The following PATL1 variants were observed in gnomAD, a reference collection of about 807,000 sequenced individuals.
PATL1 encodes PAT1 homolog 1, processing body mRNA decay factor.
In PATL1, 32 loss-of-function variants were observed where a neutral mutation model predicts 100.6. The ratio of observed to expected loss-of-function variants is 0.32; its 90% confidence interval spans 0.24 to 0.43. The LOEUF (loss-of-function observed/expected upper bound fraction) is 0.43, where lower values mean the gene tolerates loss of function less well. PATL1 is among the 20% of genes least tolerant of loss of function. PATL1 has a pLI of 1.00. For synonymous variants in PATL1, 332 were observed against 330.0 expected (o/e 1.01, Z -0.07); for missense variants, 747 against 949.9 (o/e 0.79, Z 2.81).
In PATL1 at chr11:59,653,101, T is replaced by TG. The variant is rs372568832; in HGVS notation, c.1122-84_1122-83insC. 1.8e-3 allele frequency: 2,249 copies of TG among 1,246,402 alleles called. 33 individuals carry two copies. The African/African-American group carries it at 0.03, about 16-fold the overall frequency. 77.2% of individuals were successfully genotyped at this position (1,246,402 alleles called of 1,614,324 possible). The stretch of plus-strand genomic sequence containing the variant: ...ACAGAGGAATAAACCAGGCCAGTTT[T>TG]TTTTTTTTTTTTTAAAGATTCCCGT... On this transcript the variant is annotated intron_variant, in intron 9 of 18. Coordinates refer to ENST00000300146, the MANE Select transcript of PATL1 (RefSeq NM_152716.3).
At chr11:59,645,386 C>G (rs527981885) in intron 15 of PATL1, among the ~76,000 whole-genome samples, 158 of 145,892 alleles carry the variant, frequency 1.1e-3, no homozygotes, top group Non-Finnish European at 1.8e-3. Context: ...ACTTCCCCCC[C>G]CATCCACTTT....
intron 9 of PATL1, 37 bp from the exon 10 acceptor site, chr11:59,653,055 A>G: frequency 2.0e-6 from 3 of 1,533,554 alleles, no homozygotes; most frequent in Non-Finnish European, 2.7e-6. Flanking sequence ...CATGTGGGCA[A>G]ATTAATTACG....
chr11:59,638,261 G>T lies in PATL1; in HGVS notation c.*129C>A. On this transcript the variant is annotated 3_prime_UTR_variant, in exon 19 of 19. Transcript: ENST00000300146. ...TTAGAGAGACAACCCCTGTAAACAG[G>T]AATCGATCCCACAAGACTTTGCTTT... The T allele has an allele frequency of 1.1e-6, 1 of 905,542 alleles. No individual in the cohort carries two copies. Among genetic ancestry groups the T allele is most frequent in the African/African-American group, 1.7e-5 (1 of 60,246 alleles). 56.1% of individuals were successfully genotyped at this position (905,542 alleles called of 1,614,324 possible). A position where few individuals can be genotyped will look rare whatever the true frequency, so the allele number is the denominator to read the frequency against.
Position 59,653,930 on chromosome 11 carries a change from T to C in PATL1, c.1121+53A>G, listed in dbSNP as rs994608943. On this transcript the variant is annotated intron_variant, in intron 9 of 18. Transcript: ENST00000300146. ...AACTAAATAGCATGTTGTTACACTG[T>C]TAAAATTAAAAGCTGAATTAAGAAG... 4.7e-6 allele frequency: 7 copies of C among 1,499,328 alleles called. No homozygotes were observed. The African/African-American group carries it at 9.7e-5, about 21-fold the overall frequency. The allele number at this position is 1,499,328 out of a possible 1,614,324, so 92.9% of individuals were successfully genotyped here.
intron 2 of PATL1, among the ~76,000 whole-genome samples, chr11:59,660,647 G>A (rs1167619666): frequency 6.6e-6 from 1 of 152,186 alleles, no homozygotes; most frequent in Non-Finnish European, 1.5e-5. Context: ...GGAATGAGCA[G>A]GGTGGGGAGA....
rs966326026 is a variant in PATL1, at chr11:59,668,774, C to A, written c.15+107G>T. 14 of 606,986 alleles carry A rather than the reference C, an allele frequency of 2.3e-5. No individual in the cohort carries two copies. In the East Asian group the frequency reaches 5.1e-4, roughly 22 times the overall value. 37.6% of individuals were successfully genotyped at this position (606,986 alleles called of 1,614,324 possible). A position where few individuals can be genotyped will look rare whatever the true frequency, so the allele number is the denominator to read the frequency against. On this transcript the variant is annotated intron_variant, in intron 1 of 18. Coordinates refer to ENST00000300146, the MANE Select transcript of PATL1 (RefSeq NM_152716.3). ...GTCCAGCTAAGTCCTGCGACTCCCC[C>A]AGCCCGCCCCCTGCCCCGCAGGAAC...
intron 8 of PATL1, among the ~76,000 whole-genome samples, chr11:59,654,965 C>T (rs1861505324): frequency 6.6e-6 from 1 of 152,180 alleles, no homozygotes; most frequent in African/African-American, 2.4e-5. Flanking sequence ...AGAAATCCTG[C>T]TTGAGTGTCT....
chr11:59,647,701 A>G, intron 15 of PATL1, 53 bp downstream of exon 15: 1 of 1,571,276 alleles, frequency 6.4e-7, no homozygotes, highest in Admixed American at 1.7e-5. Flanking sequence ...CATTCTAGAA[A>G]TCTTATCACT....
intron 4 of PATL1, 139 bp downstream of exon 4, chr11:59,658,727 G>C (rs902847464): frequency 1.6e-6 from 1 of 638,172 alleles, no homozygotes; most frequent in Non-Finnish European, 2.7e-6. Context: ...GAAAGGCATA[G>C]CTAAGTGCTG....
chr11:59,656,529 C>G lies in PATL1; in HGVS notation c.693G>C (p.Arg231Ser). ...PPRYPAPYGE[R>S]MSPNQLCSVP... The stretch of plus-strand genomic sequence containing the variant: ...CACTGCAGAGCTGGTTTGGAGACAT[C>G]CTCTCACCATAGGGAGCAGGATAAC... The change falls in exon 6 of 19, where the codon AGG (arginine) becomes AGC (serine). Residue 231 changes from arginine to serine, a missense_variant. By Grantham distance (110) the Arg-to-Ser change is moderately radical. Coordinates refer to ENST00000300146, the MANE Select transcript of PATL1 (RefSeq NM_152716.3). 1 of 1,613,950 alleles carries G rather than the reference C, an allele frequency of 6.2e-7. No individual in the cohort carries two copies. The highest frequency in any genetic ancestry group is 8.5e-7 in the Non-Finnish European group (1 of 1,179,878).
intron 13 of PATL1, among the ~76,000 whole-genome samples, chr11:59,650,072 G>C (rs1258361854): frequency 7.1e-6 from 1 of 141,240 alleles, no homozygotes; most frequent in East Asian, 2.2e-4. Context: ...AGTGAGCCAA[G>C]ATCTCGCCAT....
chr11:59,665,764 T>C (rs542202171), intron 2 of PATL1, among the ~76,000 whole-genome samples: 22 of 152,288 alleles, frequency 1.4e-4, no homozygotes, highest in African/African-American at 5.1e-4. Context: ...CCAGTCTAGG[T>C]GACAGAGCAA....
Position 59,637,722 on chromosome 11 carries a change from A to C in PATL1, c.*668T>G, listed in dbSNP as rs566399617. 33 of 152,424 alleles carry C rather than the reference A, an allele frequency of 2.2e-4. No homozygotes were observed. Among genetic ancestry groups the C allele is most frequent in the African/African-American group, 7.0e-4 (29 of 41,584 alleles). The allele number at this position is 152,424 out of a possible 1,614,324, so 9.4% of individuals were successfully genotyped here. A position where few individuals can be genotyped will look rare whatever the true frequency, so the allele number is the denominator to read the frequency against. ...GCCAATTAAGAGTTCTGATTTTATT[A>C]AACGTGCTGCATACTCTTTATTTAT... is the stretch of plus-strand genomic sequence containing the variant. On this transcript the variant is annotated 3_prime_UTR_variant, in exon 19 of 19. Transcript: ENST00000300146.
At chr11:59,658,692 T>A (rs1238356956) in intron 4 of PATL1, among the ~76,000 whole-genome samples, 174 bp downstream of exon 4, 2 of 152,154 alleles carry the variant, frequency 1.3e-5, no homozygotes, top group African/African-American at 2.4e-5. Flanking sequence ...ATGGCTCCCT[T>A]GCAACCTTTA....
At chr11:59,649,647 G>A in intron 13 of PATL1, 37 bp from the exon 14 acceptor site, 3 of 1,594,704 alleles carry the variant, frequency 1.9e-6, no homozygotes, top group South Asian at 2.3e-5. Context: ...CAGCATGCTA[G>A]GTCAGAACCA....
chr11:59,639,005 C>A, intron 18 of PATL1, 43 bp downstream of exon 18: 3 of 1,593,628 alleles, frequency 1.9e-6, no homozygotes, highest in Non-Finnish European at 2.6e-6. Flanking sequence ...CTTCTAAAGT[C>A]CCAACTTTAG....
chr11:59,666,564 T>C (rs1861693955), intron 2 of PATL1, among the ~76,000 whole-genome samples: 1 of 152,206 alleles, frequency 6.6e-6, no homozygotes, highest in South Asian at 2.1e-4. Context: ...TTTACTTCTC[T>C]AAACATTTGA....
chr11:59,659,515 A>G (rs1157219667), intron 2 of PATL1, 46 bp from the exon 3 acceptor site: 1 of 1,502,528 alleles, frequency 6.7e-7, no homozygotes, highest in South Asian at 1.3e-5. Context: ...ATAGTGGTAC[A>G]AAAAAGTTTT....
chr11:59,638,805 C>T (rs911788461), intron 18 of PATL1, among the ~76,000 whole-genome samples: 2 of 152,034 alleles, frequency 1.3e-5, no homozygotes, highest in African/African-American at 2.4e-5. Flanking sequence ...CTCAGCCTAC[C>T]GAATAGCTGG....
Sources: allele counts gnomAD v4.1 joint callset (sites outside exome capture counted in the v4.1 genomes callset), GRCh38; gene constraint gnomAD v4.1.1; transcripts MANE v1.5; gene names NCBI Gene and HGNC (gene_info 2026-07-23, HGNC 2026-07-21).